AGBL1: variants seen among roughly 807,000 people sequenced by gnomAD.
AGBL1 encodes AGBL carboxypeptidase 1.
Under a neutral mutation model 118.9 loss-of-function variants are expected in AGBL1, and 130 were observed. That is an observed-to-expected ratio of 1.09 (90% confidence interval 0.95 to 1.26). The LOEUF (loss-of-function observed/expected upper bound fraction) is 1.26. Among genes scored for constraint, AGBL1 ranks in the 50% most tolerant of loss-of-function variants. The probability of loss-of-function intolerance (pLI) is 0.00; values close to 1 mark genes in which losing one functional copy is unlikely to be tolerated. For missense variants in AGBL1, 1,584 were observed against 1,298.1 expected (o/e 1.22, Z -3.38); for synonymous variants, 555 against 478.9 (o/e 1.16, Z -2.08).
chr15:86,297,560 G>T (rs1054707645), intron 17 of AGBL1, among the ~76,000 whole-genome samples: 2 of 152,178 alleles, frequency 1.3e-5, no homozygotes, highest in African/African-American at 2.4e-5. Context: ...AGGTCATAAA[G>T]GTAGAAAGTG....
chr15:86,431,816 C>T (rs1035169804), intron 18 of AGBL1, among the ~76,000 whole-genome samples: 3 of 152,152 alleles, frequency 2.0e-5, no homozygotes, highest in African/African-American at 7.2e-5. Flanking sequence ...CTACTACCTT[C>T]CTTGACTCCA....
intron 17 of AGBL1, among the ~76,000 whole-genome samples, chr15:86,396,565 A>G (rs1327771747): frequency 6.6e-6 from 1 of 152,132 alleles, no homozygotes; most frequent in Non-Finnish European, 1.5e-5. Context: ...GACTGGGTTC[A>G]GGGTCTTACA....
chr15:86,535,207 T>A (rs2083408698), intron 19 of AGBL1, among the ~76,000 whole-genome samples: 1 of 152,128 alleles, frequency 6.6e-6, no homozygotes, highest in Non-Finnish European at 1.5e-5. Context: ...GTCAGAAAGA[T>A]CCAGCCAGAG....
intron 1 of AGBL1, 104 bp from the exon 2 acceptor site, chr15:86,141,900 T>C: frequency 8.5e-7 from 1 of 1,172,266 alleles, no homozygotes; most frequent in South Asian, 1.5e-5. Context: ...AGTTAATCTT[T>C]CTCCATGACA....
chr15:86,266,801 T>C (rs2079080677), intron 12 of AGBL1, among the ~76,000 whole-genome samples, 189 bp from the exon 13 acceptor site: 1 of 152,106 alleles, frequency 6.6e-6, no homozygotes, highest in African/African-American at 2.4e-5. Context: ...CTCGGGAGGC[T>C]GAGGCAGGAG....
At chr15:86,088,880 A>G (rs1323517493) in intron 1 of AGBL1, among the ~76,000 whole-genome samples, 1 of 152,056 alleles carries the variant, frequency 6.6e-6, no homozygotes, top group African/African-American at 2.4e-5. Context: ...ATATTCTCTA[A>G]TATTTGTTTT....
chr15:87,015,155 G>C (rs184464093), intron 24 of AGBL1, among the ~76,000 whole-genome samples: 1 of 152,086 alleles, frequency 6.6e-6, no homozygotes, highest in African/African-American at 2.4e-5. Context: ...TCTGAAACCT[G>C]CACCTTTAGC....
At chr15:87,014,927 G>T (rs889117404) in intron 24 of AGBL1, among the ~76,000 whole-genome samples, 1 of 152,076 alleles carries the variant, frequency 6.6e-6, no homozygotes, top group Admixed American at 6.6e-5. Flanking sequence ...TTGTTTCTCG[G>T]CGTCTCTCTA....
chr15:86,574,476 G>C (rs898450772), intron 21 of AGBL1, among the ~76,000 whole-genome samples: 2 of 151,968 alleles, frequency 1.3e-5, no homozygotes, highest in Non-Finnish European at 2.9e-5. Context: ...GGCACCTAAG[G>C]CAAAGTTCAC....
chr15:86,865,134 CACA>C (rs2079608046), intron 22 of AGBL1, among the ~76,000 whole-genome samples: 1 of 152,088 alleles, frequency 6.6e-6, no homozygotes, highest in Admixed American at 6.6e-5. Flanking sequence ...GGTGAATGAA[CACA>C]ACAACAATAA....
chr15:86,315,037 T>C (rs1275904559), intron 17 of AGBL1, among the ~76,000 whole-genome samples: 1 of 152,214 alleles, frequency 6.6e-6, no homozygotes, highest in Non-Finnish European at 1.5e-5. Flanking sequence ...AGGTAAGGTA[T>C]GTTTTCCTAA....
intron 22 of AGBL1, among the ~76,000 whole-genome samples, chr15:86,817,696 G>C (rs1455189014): frequency 1.3e-5 from 2 of 151,782 alleles, no homozygotes; most frequent in Admixed American, 1.3e-4. Context: ...AGTGCTGGGA[G>C]AGGGTATGGG....
At chr15:86,100,702 G>A (rs1470841736) in intron 1 of AGBL1, among the ~76,000 whole-genome samples, 1 of 151,922 alleles carries the variant, frequency 6.6e-6, no homozygotes, top group Non-Finnish European at 1.5e-5. Flanking sequence ...GGTATCAGTT[G>A]TAATAGCTTT....
intron 22 of AGBL1, among the ~76,000 whole-genome samples, chr15:86,842,813 C>T (rs1419207100): frequency 6.6e-6 from 1 of 152,140 alleles, no homozygotes. Flanking sequence ...GCTATGAGGC[C>T]TGGTGATTAG....
At chr15:86,998,984 G>T (rs1215121233) in intron 24 of AGBL1, among the ~76,000 whole-genome samples, 1 of 150,836 alleles carries the variant, frequency 6.6e-6, no homozygotes, top group South Asian at 2.1e-4. Flanking sequence ...TTTACATTAG[G>T]TGTATCTACT....
At chr15:86,513,114 A>G (rs1341500634) in intron 18 of AGBL1, among the ~76,000 whole-genome samples, 1 of 152,016 alleles carries the variant, frequency 6.6e-6, no homozygotes, top group East Asian at 1.9e-4. Context: ...ACATTAATAT[A>G]CTAGTATTAA....
chr15:86,267,843 A>G (rs2079098180), intron 13 of AGBL1, among the ~76,000 whole-genome samples: 1 of 152,230 alleles, frequency 6.6e-6, no homozygotes, highest in Non-Finnish European at 1.5e-5. Context: ...TTCTGAAAAA[A>G]CAGTCCAGAA....
At chr15:86,196,879 G>GCGCGCGCACACACACACACACACACA (rs756313941) in intron 5 of AGBL1, among the ~76,000 whole-genome samples, 1 of 116,962 alleles carries the variant, frequency 8.5e-6, no homozygotes, top group African/African-American at 3.6e-5. Flanking sequence ...GCGCGCGCGC[G>GCGCGCGCACACACACACACACACACA]CACACACACA....
At chr15:86,754,034 T>A (rs2077897079) in intron 22 of AGBL1, among the ~76,000 whole-genome samples, 1 of 152,114 alleles carries the variant, frequency 6.6e-6, no homozygotes, top group Non-Finnish European at 1.5e-5. Context: ...TCAGGAAACT[T>A]GAGTCAAAGA....
Sources: gnomAD v4.1 joint callset for allele counts (sites outside exome capture counted in the v4.1 genomes callset) on GRCh38, gnomAD v4.1.1 for gene constraint, MANE v1.5 for transcripts, NCBI Gene and HGNC (gene_info 2026-07-23, HGNC 2026-07-21) for gene names.